EXOC7: variants seen among roughly 807,000 people sequenced by gnomAD.
EXOC7 encodes the protein exocyst complex component 7.
In EXOC7, 51 loss-of-function variants were observed where a neutral mutation model predicts 87.6. The observed-to-expected ratio is 0.58, with a 90% CI of 0.46 to 0.73. EXOC7 has a LOEUF of 0.73. Ranked by LOEUF, EXOC7 falls within the 30% of genes least tolerant of loss-of-function variation. The pLI is 0.00. For missense variants in EXOC7, 744 were observed against 888.4 expected (o/e 0.84, Z 2.07); for synonymous variants, 327 against 357.1 (o/e 0.92, Z 0.95).
At position 76,103,624 on chromosome 17, in the gene EXOC7, C is replaced by G. The variant is rs1257492902; in HGVS notation, c.60+9G>C. On this transcript the variant is annotated intron_variant, in intron 1 of 18. Coordinates refer to ENST00000589210, the MANE Select transcript of EXOC7 (RefSeq NM_001013839.4). ...ACCTCCTCCCCAGCCTCCCCAGGCC[C>G]ACGCCCACCTGCTTCAGCTTGTCCT... 3.7e-6 allele frequency: 6 copies of G among 1,613,378 alleles called. No homozygotes were observed. The highest frequency in any genetic ancestry group is 5.1e-6 in the Non-Finnish European group (6 of 1,179,740).
rs778564601 is a variant in EXOC7, at chr17:76,082,554, C to T, written c.*1094G>A. The T allele has an allele frequency of 1.1e-5, 17 of 1,613,694 alleles. No individual in the cohort carries two copies. The highest frequency in any genetic ancestry group is 1.6e-4 in the Middle Eastern group (1 of 6,082). On this transcript the variant is annotated 3_prime_UTR_variant, in exon 19 of 19. Coordinates refer to ENST00000589210, the MANE Select transcript of EXOC7 (RefSeq NM_001013839.4). The stretch of plus-strand genomic sequence containing the variant: ...TCGTGTATGTGGTTGGGGTGCTGTG[C>T]ACCCAATTCGTCTTTGCAGGAATCT...
intron 6 of EXOC7, among the ~76,000 whole-genome samples, chr17:76,091,897 C>T (rs1012935143): frequency 8.5e-5 from 13 of 152,106 alleles, no homozygotes; most frequent in African/African-American, 2.2e-4. Context: ...CCACACAGAG[C>T]GCCTGGAGGG....
Position 76,083,719 on chromosome 17 carries a change from C to T in EXOC7, c.1984G>A (p.Glu662Lys). The change falls in exon 19 of 19, where the codon GAG becomes AAG. Residue 662 changes from glutamate (E) to lysine (K), a missense_variant. Physicochemically the swap from Glu to Lys is moderately conservative, Grantham distance 56. Around this residue, in one of 3 missense-constraint regions of EXOC7, gnomAD observed 228 missense variants for 298.6 expected, o/e 0.76. Transcript: ENST00000589210. ...FGSVPFTKNP[E>K]KYIKYGVEQV... is the part of the protein sequence containing the mutation. ...TCCACCCCGTACTTGATGTACTTCT[C>T]CGGGTTCTTGGTGAAGGGCACGCTG... 6.2e-7 allele frequency: 1 copy of T among 1,613,610 alleles called. No homozygotes were observed.
intron 2 of EXOC7, chr17:76,103,100 G>T: frequency 1.9e-6 from 1 of 522,890 alleles, no homozygotes; most frequent in East Asian, 3.5e-5. Flanking sequence ...TTTGCAGAAG[G>T]AGAGAAGGAA....
intron 13 of EXOC7, 134 bp from the exon 14 acceptor site, chr17:76,085,931 C>T (rs913328530): frequency 4.6e-6 from 7 of 1,515,666 alleles, no homozygotes; most frequent in Non-Finnish European, 5.4e-6. Flanking sequence ...CTCCCCTCAG[C>T]CTCTGAACTA....
chr17:76,083,659 T>C lies in EXOC7; in HGVS notation c.2044A>G (p.Thr682Ala), dbSNP rs1205079202. 4 of 1,613,538 alleles carry C rather than the reference T, an allele frequency of 2.5e-6. No homozygotes were observed. The Admixed American group carries it at 6.7e-5, about 27-fold the overall frequency. Reference sequence around the variant, plus strand: ...GGCTAGCAGCAGGCTCAGGCAGAGGTGTCGAAAAGGCGATCGATCATGTCG... The same window carrying C: ...GGCTAGCAGCAGGCTCAGGCAGAGGCGTCGAAAAGGCGATCGATCATGTCG... Reference protein sequence around the residue: ...VGDMIDRLFDTSA With the variant: ...VGDMIDRLFDASA Residue 682 changes from threonine (T) to alanine (A), a missense_variant, in exon 19 of 19, where the codon ACC becomes GCC. Around this residue, in one of 3 missense-constraint regions of EXOC7, gnomAD observed 228 missense variants for 298.6 expected, o/e 0.76. Coordinates refer to ENST00000589210, the MANE Select transcript of EXOC7 (RefSeq NM_001013839.4).
Position 76,084,546 on chromosome 17 carries a change from T to C in EXOC7, c.1747A>G (p.Asn583Asp). ...ACTCCCGGCTGGAACACAGGTAGATTCTTCTCTGCGATGTAATCAGTCACC... is the reference window on the plus strand; with the variant it reads ...ACTCCCGGCTGGAACACAGGTAGATCCTTCTCTGCGATGTAATCAGTCACC... ...LKVTDYIAEK[N>D]LPVFQPGVKL... Residue 583 changes from asparagine (N) to aspartate (D), a missense_variant, in exon 16 of 19, where the codon AAT becomes GAT. Physicochemically the swap from Asn to Asp is conservative, Grantham distance 23 (BLOSUM62 1). Transcript: ENST00000589210. The C allele has an allele frequency of 6.2e-7, 1 of 1,613,948 alleles. No homozygotes were observed. Among genetic ancestry groups the C allele is most frequent in the East Asian group, 2.2e-5 (1 of 44,886 alleles).
Position 76,081,640 on chromosome 17 carries a change from C to T in EXOC7, c.*2008G>A. On this transcript the variant is annotated 3_prime_UTR_variant, in exon 19 of 19. Coordinates refer to ENST00000589210, the MANE Select transcript of EXOC7 (RefSeq NM_001013839.4). ...CTGACGTGTGCGGGGGGTTGCTGCC[C>T]CTCCGGGCCATTGAGCGCATAGGCT... The T allele has an allele frequency of 6.2e-7, 1 of 1,614,134 alleles. No individual in the cohort carries two copies.
At chr17:76,092,050 G>A (rs1281747033) in intron 6 of EXOC7, among the ~76,000 whole-genome samples, 1 of 152,160 alleles carries the variant, frequency 6.6e-6, no homozygotes, top group Non-Finnish European at 1.5e-5. Context: ...GACATCTCGG[G>A]CCAGAAGACG....
At chr17:76,100,611 A>C (rs989369771) in intron 4 of EXOC7, among the ~76,000 whole-genome samples, 12 of 151,190 alleles carry the variant, frequency 7.9e-5, no homozygotes, top group African/African-American at 2.9e-4. Flanking sequence ...CCAGCTTGGG[A>C]AACAAGAGCA....
rs747521334 is a variant in EXOC7, at chr17:76,082,038, A to G, written c.*1610T>C. 1 of 1,608,310 alleles carries G rather than the reference A, an allele frequency of 6.2e-7. No individual in the cohort carries two copies. The highest frequency in any genetic ancestry group is 8.5e-7 in the Non-Finnish European group (1 of 1,178,066). Reference sequence around the variant, plus strand: ...CGAGAGCACGGCAACCCAGGGCCTCATCCTGCTGAAGGTGGGCAGGGGCTG... The same window carrying G: ...CGAGAGCACGGCAACCCAGGGCCTCGTCCTGCTGAAGGTGGGCAGGGGCTG... On this transcript the variant is annotated 3_prime_UTR_variant, in exon 19 of 19. Coordinates refer to ENST00000589210, the MANE Select transcript of EXOC7 (RefSeq NM_001013839.4).
intron 12 of EXOC7, 131 bp from the exon 13 acceptor site, chr17:76,086,276 C>T: frequency 1.1e-6 from 1 of 910,424 alleles, no homozygotes; most frequent in Non-Finnish European, 1.7e-6. Flanking sequence ...AGCTGGCTGC[C>T]TGCTAAGCCA....
intron 6 of EXOC7, chr17:76,093,843 C>G (rs1200408425): frequency 6.5e-6 from 1 of 152,818 alleles, no homozygotes; most frequent in East Asian, 1.9e-4. Context: ...CCGGCCCCGG[C>G]CTCTCATCAT....
At chr17:76,090,837 G>A (rs905901125) in intron 7 of EXOC7, 13 of 526,344 alleles carry the variant, frequency 2.5e-5, no homozygotes, top group Admixed American at 1.0e-4. Context: ...TGGTCTGAGC[G>A]TGAAAGGGCT....
chr17:76,100,351 G>C (rs2067996935), intron 4 of EXOC7, among the ~76,000 whole-genome samples: 1 of 152,078 alleles, frequency 6.6e-6, no homozygotes, highest in African/African-American at 2.4e-5. Context: ...ATTTTGGCCA[G>C]GCACGGTGGC....
chr17:76,088,199 C>G (rs940685388), intron 10 of EXOC7, 77 bp from the exon 11 acceptor site: 5 of 1,455,104 alleles, frequency 3.4e-6, no homozygotes, highest in Non-Finnish European at 4.8e-6. Flanking sequence ...CTCATGGTGC[C>G]GCCTCCTGGC....
intron 12 of EXOC7, chr17:76,086,947 G>C (rs910622512): frequency 1.5e-5 from 23 of 1,499,796 alleles, no homozygotes; most frequent in East Asian, 2.5e-5. Flanking sequence ...ACAAAGGAGG[G>C]AGAAAGATGC....
At chr17:76,089,620 A>C in intron 7 of EXOC7, 1 of 449,140 alleles carries the variant, frequency 2.2e-6, no homozygotes, top group East Asian at 4.2e-5. Context: ...AGATTCCTGA[A>C]TCAGCGTCCT....
At chr17:76,084,698 T>A in intron 15 of EXOC7, 118 bp from the exon 16 acceptor site, 1 of 799,434 alleles carries the variant, frequency 1.3e-6, no homozygotes, top group Non-Finnish European at 2.0e-6. Flanking sequence ...GGGATGTGGG[T>A]CACAACTAAG....
Sources: gnomAD v4.1 joint callset for allele counts (sites outside exome capture counted in the v4.1 genomes callset) on GRCh38, gnomAD v4.1.1 for gene constraint, gnomAD v4.1.1 regional missense constraint, MANE v1.5 for transcripts, NCBI Gene and HGNC (gene_info 2026-07-23, HGNC 2026-07-21) for gene names.